PTPRD: variants seen among roughly 807,000 people sequenced by gnomAD.
PTPRD encodes protein tyrosine phosphatase receptor type D.
A neutral mutation model predicts 214.5 loss-of-function variants in PTPRD; 34 were observed. The ratio of observed to expected loss-of-function variants is 0.16; its 90% confidence interval spans 0.12 to 0.21. The LOEUF is 0.21. Among genes scored for constraint, PTPRD ranks in the 10% least tolerant of loss-of-function variants. The probability of loss-of-function intolerance (pLI) is 1.00; values close to 1 mark genes in which losing one functional copy is unlikely to be tolerated. For synonymous variants in PTPRD, 1,128 were observed against 845.7 expected, an observed-to-expected ratio of 1.33 and a Z score of -5.79; for missense variants, 2,545 against 2,398.7, an observed-to-expected ratio of 1.06 and a Z score of -1.27.
chr9:8,693,102 C>T (rs942900767), intron 12 of PTPRD, among the ~76,000 whole-genome samples: 1 of 152,156 alleles, frequency 6.6e-6, no homozygotes, highest in Non-Finnish European at 1.5e-5. Flanking sequence ...TATTATGCGC[C>T]GGGAGTTTTG....
chr9:10,468,192 A>G (rs2099006922), intron 2 of PTPRD, among the ~76,000 whole-genome samples: 1 of 152,210 alleles, frequency 6.6e-6, no homozygotes, highest in Non-Finnish European at 1.5e-5. Context: ...CTCTAAAGAC[A>G]CATGCACATA....
chr9:9,824,312 T>G (rs562046295), intron 5 of PTPRD, among the ~76,000 whole-genome samples: 3 of 152,150 alleles, frequency 2.0e-5, no homozygotes, highest in African/African-American at 7.2e-5. Flanking sequence ...TCATTACTTA[T>G]GACTGAAATT....
intron 12 of PTPRD, among the ~76,000 whole-genome samples, chr9:8,702,012 G>C (rs937648754): frequency 3.9e-5 from 6 of 152,124 alleles, no homozygotes; most frequent in Non-Finnish European, 7.3e-5. Context: ...TTTGGCTTTA[G>C]ATCTGATAGA....
intron 11 of PTPRD, among the ~76,000 whole-genome samples, chr9:8,863,341 A>AC (rs763395473): frequency 9.2e-5 from 14 of 152,322 alleles, no homozygotes; most frequent in South Asian, 2.1e-4. Context: ...CATTCCATTA[A>AC]CCATTGGCAC....
intron 3 of PTPRD, among the ~76,000 whole-genome samples, chr9:10,153,059 T>C (rs1357595495): frequency 6.6e-6 from 1 of 152,142 alleles, no homozygotes; most frequent in Non-Finnish European, 1.5e-5. Flanking sequence ...AAAGTTTCCA[T>C]TAGACAGAAG....
chr9:9,943,596 T>C (rs1346797263), intron 4 of PTPRD, among the ~76,000 whole-genome samples: 1 of 152,062 alleles, frequency 6.6e-6, no homozygotes, highest in Non-Finnish European at 1.5e-5. Context: ...TATTAGAAGA[T>C]ATTAGAAGCT....
chr9:10,247,647 T>C (rs536878634), intron 3 of PTPRD, among the ~76,000 whole-genome samples: 1 of 152,314 alleles, frequency 6.6e-6, no homozygotes, highest in South Asian at 2.1e-4. Flanking sequence ...TGTTGGTTTA[T>C]GGGATTGTAG....
chr9:8,379,522 A>G (rs2135125308), intron 37 of PTPRD, among the ~76,000 whole-genome samples: 1 of 152,298 alleles, frequency 6.6e-6, no homozygotes, highest in African/African-American at 2.4e-5. Context: ...ATGTAGTGAG[A>G]AAGAAAAAGG....
chr9:9,169,123 T>A (rs546080220), intron 10 of PTPRD, among the ~76,000 whole-genome samples: 52 of 152,162 alleles, frequency 3.4e-4, no homozygotes, highest in Middle Eastern at 3.4e-3. Flanking sequence ...CTTCTCATCT[T>A]ATCTAATACA....
At chr9:9,714,511 G>C (rs559638513) in intron 7 of PTPRD, among the ~76,000 whole-genome samples, 2 of 70,676 alleles carry the variant, frequency 2.8e-5, no homozygotes, top group African/African-American at 1.6e-4. Context: ...GTTTAAATCA[G>C]TAAGAATATT....
chr9:9,042,850 C>A (rs1004529036), intron 10 of PTPRD, among the ~76,000 whole-genome samples: 1 of 151,984 alleles, frequency 6.6e-6, no homozygotes, highest in Non-Finnish European at 1.5e-5. Flanking sequence ...ATTATTGATA[C>A]CAATATTCAG....
chr9:8,670,403 A>G (rs1050730889), intron 12 of PTPRD, among the ~76,000 whole-genome samples: 6 of 152,064 alleles, frequency 3.9e-5, no homozygotes, highest in South Asian at 2.1e-4. Context: ...TACTATAGCT[A>G]TATCAGCTTG....
At chr9:10,275,594 T>G (rs1231752442) in intron 3 of PTPRD, among the ~76,000 whole-genome samples, 1 of 152,136 alleles carries the variant, frequency 6.6e-6, no homozygotes, top group East Asian at 1.9e-4. Flanking sequence ...GGAAGTTCGA[T>G]TCCATTATTG....
chr9:8,974,020 G>T (rs2099254179), intron 11 of PTPRD, among the ~76,000 whole-genome samples: 1 of 152,008 alleles, frequency 6.6e-6, no homozygotes, highest in South Asian at 2.1e-4. Flanking sequence ...TGCTTACTCT[G>T]TCCATAGTTT....
chr9:10,513,244 A>G (rs1355902097), intron 2 of PTPRD, among the ~76,000 whole-genome samples: 1 of 151,982 alleles, frequency 6.6e-6, no homozygotes, highest in Admixed American at 6.6e-5. Flanking sequence ...TTTGGAAGTT[A>G]TATAAGGATA....
intron 10 of PTPRD, among the ~76,000 whole-genome samples, chr9:9,031,036 T>G (rs889020305): frequency 6.6e-6 from 1 of 151,838 alleles, no homozygotes; most frequent in East Asian, 1.9e-4. Flanking sequence ...CTTAAGACTT[T>G]GGTAAAATGG....
At chr9:10,580,476 T>C (rs2071345404) in intron 2 of PTPRD, among the ~76,000 whole-genome samples, 1 of 152,198 alleles carries the variant, frequency 6.6e-6, no homozygotes, top group Non-Finnish European at 1.5e-5. Context: ...GTATATTTTC[T>C]TGTTTCCTTT....
chr9:8,930,214 G>T (rs1368636239), intron 11 of PTPRD, among the ~76,000 whole-genome samples: 1 of 150,548 alleles, frequency 6.6e-6, no homozygotes, highest in East Asian at 2.0e-4. Flanking sequence ...TGTGGTGTTT[G>T]GTTTTTTTGT....
intron 3 of PTPRD, among the ~76,000 whole-genome samples, chr9:10,160,407 T>G (rs1038399886): frequency 5.3e-5 from 8 of 151,934 alleles, no homozygotes; most frequent in African/African-American, 1.4e-4. Context: ...ACTGCTGAAT[T>G]TTACCCAACC....
Sources: gnomAD v4.1 joint callset for allele counts (sites outside exome capture counted in the v4.1 genomes callset) on GRCh38, gnomAD v4.1.1 for gene constraint, MANE v1.5 for transcripts, NCBI Gene and HGNC (gene_info 2026-07-23, HGNC 2026-07-21) for gene names.